The following GABRB2 variants were observed in gnomAD, a reference collection of about 807,000 sequenced individuals.
The protein encoded by GABRB2 is gamma-aminobutyric acid receptor subunit beta-2.
GABRB2 carries 16 observed loss-of-function variants against 54.7 expected under a neutral mutation model. That is an observed-to-expected ratio of 0.29 (90% CI 0.20 to 0.44). The LOEUF is 0.44. GABRB2 is among the 20% of genes least tolerant of loss of function. The pLI, the probability that GABRB2 is intolerant of heterozygous loss-of-function variation, is 1.00. For missense variants in GABRB2, 355 were observed against 644.0 expected (o/e 0.55, Z 4.86); for synonymous variants, 244 against 233.8 (o/e 1.04, Z -0.40).
At chr5:161,515,004 T>C (rs978981840) in intron 3 of GABRB2, among the ~76,000 whole-genome samples, 3 of 152,196 alleles carry the variant, frequency 2.0e-5, no homozygotes, top group African/African-American at 7.2e-5. Context: ...CATTCATCCG[T>C]ATTTGTCAAT....
chr5:161,496,571 C>T (rs1759256058), intron 3 of GABRB2, among the ~76,000 whole-genome samples: 1 of 151,696 alleles, frequency 6.6e-6, no homozygotes, highest in South Asian at 2.1e-4. Context: ...GAAAATAAGC[C>T]TAATCTACAA....
At chr5:161,517,443 A>G (rs889196456) in intron 3 of GABRB2, among the ~76,000 whole-genome samples, 2 of 152,216 alleles carry the variant, frequency 1.3e-5, no homozygotes, top group Non-Finnish European at 2.9e-5. Flanking sequence ...ATGATAAATA[A>G]CTACTGTTTT....
At chr5:161,330,147 T>G (rs1402836280) in intron 8 of GABRB2, 1 of 152,202 alleles carries the variant, frequency 6.6e-6, no homozygotes, top group African/African-American at 2.4e-5. Context: ...GCACCCATGA[T>G]TGAAAACTAC....
chr5:161,441,707 T>G (rs748090736), intron 4 of GABRB2, among the ~76,000 whole-genome samples: 2 of 152,120 alleles, frequency 1.3e-5, no homozygotes, highest in African/African-American at 4.8e-5. Flanking sequence ...AACCTAACTG[T>G]CCATCAACAG....
At position 161,293,792 on chromosome 5, in the gene GABRB2, C is replaced by T; in HGVS notation, c.*289G>A. 2.9e-6 allele frequency: 1 copy of T among 349,680 alleles called. No individual in the cohort carries two copies. Among genetic ancestry groups the T allele is most frequent in the African/African-American group, 2.1e-5 (1 of 48,318 alleles). The allele number at this position is 349,680 out of a possible 1,614,324, so 21.7% of individuals were successfully genotyped here. ...CTAAGAATATCTTCCAAATTATTCC[C>T]CTCTGAGTAGGCTGCATACTAAACA... is the stretch of plus-strand genomic sequence containing the variant. On this transcript the variant is annotated 3_prime_UTR_variant, in exon 10 of 10. Transcript: ENST00000393959.
rs1371753659 is a variant in GABRB2 at position 161,291,894 on chromosome 5, C to G, written c.*2187G>C. ...TGATGTTTTTTAGTCAAACTTTACCCCCTGTTGACAAGGGGCAGGCACTTT... is the reference window on the plus strand; with the variant it reads ...TGATGTTTTTTAGTCAAACTTTACCGCCTGTTGACAAGGGGCAGGCACTTT... On this transcript the variant is annotated 3_prime_UTR_variant, in exon 10 of 10. Transcript: ENST00000393959. 2 of 152,176 alleles carry G rather than the reference C, an allele frequency of 1.3e-5. No individual in the cohort carries two copies. The highest frequency in any genetic ancestry group is 4.8e-5 in the African/African-American group (2 of 41,416). The allele number at this position is 152,176 out of a possible 1,614,324, so 9.4% of individuals were successfully genotyped here. A position where few individuals can be genotyped will look rare whatever the true frequency, so the allele number is the denominator to read the frequency against.
At chr5:161,444,077 T>A (rs961729115) in intron 4 of GABRB2, among the ~76,000 whole-genome samples, 5 of 152,162 alleles carry the variant, frequency 3.3e-5, no homozygotes, top group Non-Finnish European at 7.4e-5. Context: ...GGGGCTTAAA[T>A]ACTTAATATT....
intron 9 of GABRB2, among the ~76,000 whole-genome samples, chr5:161,321,380 T>A (rs758299124): frequency 2.4e-4 from 37 of 152,228 alleles, no homozygotes; most frequent in Non-Finnish European, 4.9e-4. Flanking sequence ...TCCAGCTTTT[T>A]AAAATATTTC....
chr5:161,293,822 A>T lies in GABRB2; in HGVS notation c.*259T>A. The T allele has an allele frequency of 2.1e-6, 1 of 467,094 alleles. No individual in the cohort carries two copies. The highest frequency in any genetic ancestry group is 3.9e-6 in the Non-Finnish European group (1 of 258,876). 28.9% of individuals were successfully genotyped at this position (467,094 alleles called of 1,614,324 possible). A position where few individuals can be genotyped will look rare whatever the true frequency, so the allele number is the denominator to read the frequency against. ...GAGTAGGCTGCATACTAAACAGACA[A>T]CATGGAGCACTCAGGCTGTCTAGCC... On this transcript the variant is annotated 3_prime_UTR_variant, in exon 10 of 10. Transcript: ENST00000393959.
At chr5:161,377,297 A>G (rs527962789) in intron 5 of GABRB2, among the ~76,000 whole-genome samples, 2 of 152,220 alleles carry the variant, frequency 1.3e-5, no homozygotes, top group South Asian at 4.1e-4. Flanking sequence ...ATGAAGGAAC[A>G]GGGCCTCTGT....
chr5:161,365,152 T>C (rs1348505100), intron 5 of GABRB2, among the ~76,000 whole-genome samples: 1 of 152,182 alleles, frequency 6.6e-6, no homozygotes, highest in Admixed American at 6.5e-5. Flanking sequence ...CATAGACTTA[T>C]GATTCTTTAG....
intron 9 of GABRB2, among the ~76,000 whole-genome samples, chr5:161,310,586 C>G (rs1451169262): frequency 6.6e-6 from 1 of 152,168 alleles, no homozygotes; most frequent in Non-Finnish European, 1.5e-5. Flanking sequence ...ATCACAAACT[C>G]AAAATTGCAA....
chr5:161,326,975 G>T, intron 8 of GABRB2: 1 of 983,474 alleles, frequency 1.0e-6, no homozygotes, highest in Non-Finnish European at 1.2e-6. Flanking sequence ...AGAAGTAAGG[G>T]GAGTTGAAAC....
intron 5 of GABRB2, among the ~76,000 whole-genome samples, chr5:161,407,254 G>GAATGTAGCTGAGCTGA: frequency 6.6e-6 from 1 of 151,762 alleles, no homozygotes; most frequent in South Asian, 2.1e-4. Context: ...AGCTGAGCTG[G>GAATGTAGCTGAGCTGA]CACAGAATAC....
At chr5:161,300,609 A>G (rs1192058973) in intron 9 of GABRB2, among the ~76,000 whole-genome samples, 11 of 152,208 alleles carry the variant, frequency 7.2e-5, no homozygotes, top group Non-Finnish European at 8.8e-5. Context: ...GGTGAGGGAT[A>G]GTCTATTTCA....
At chr5:161,477,854 T>G (rs899237248) in intron 3 of GABRB2, among the ~76,000 whole-genome samples, 2 of 151,872 alleles carry the variant, frequency 1.3e-5, no homozygotes, top group Admixed American at 1.3e-4. Flanking sequence ...GGCTTCAGTT[T>G]TGCAAAAGAA....
At chr5:161,384,288 G>A (rs1755557091) in intron 5 of GABRB2, among the ~76,000 whole-genome samples, 1 of 152,152 alleles carries the variant, frequency 6.6e-6, no homozygotes, top group South Asian at 2.1e-4. Flanking sequence ...TATTCACAGA[G>A]ATAAACGTCT....
chr5:161,533,885 T>C (rs1040713298), intron 3 of GABRB2, among the ~76,000 whole-genome samples: 6 of 152,078 alleles, frequency 3.9e-5, no homozygotes, highest in Admixed American at 6.6e-5. Flanking sequence ...AATAAGTGAA[T>C]GCAATGTGTA....
At chr5:161,403,970 G>T (rs1251254903) in intron 5 of GABRB2, among the ~76,000 whole-genome samples, 4 of 152,082 alleles carry the variant, frequency 2.6e-5, no homozygotes, top group Non-Finnish European at 4.4e-5. Flanking sequence ...GAACACTTTA[G>T]ATAGAAAGAA....
Sources: allele counts gnomAD v4.1 joint callset (sites outside exome capture counted in the v4.1 genomes callset), GRCh38; gene constraint gnomAD v4.1.1; transcripts MANE v1.5; gene names NCBI Gene and HGNC (gene_info 2026-07-23, HGNC 2026-07-21).